The following CHRM3 variants were observed in gnomAD, a reference collection of about 807,000 sequenced individuals.
CHRM3 encodes cholinergic receptor muscarinic 3.
Under a neutral mutation model 41.8 loss-of-function variants are expected in CHRM3, and 11 were observed. The ratio of observed to expected loss-of-function variants is 0.26; its 90% CI spans 0.17 to 0.44. CHRM3 has a LOEUF of 0.44. CHRM3 is among the 20% of genes least tolerant of loss of function. The probability of loss-of-function intolerance (pLI) is 1.00; values close to 1 mark genes in which losing one functional copy is unlikely to be tolerated. For missense variants in CHRM3, 571 were observed against 745.4 expected, an observed-to-expected ratio of 0.77 and a Z score of 2.72; for synonymous variants, 297 against 301.4, an observed-to-expected ratio of 0.99 and a Z score of 0.15.
intron 1 of CHRM3, among the ~76,000 whole-genome samples, chr1:239,424,550 A>C (rs1252402839): frequency 6.6e-6 from 1 of 152,230 alleles, no homozygotes; most frequent in Admixed American, 6.5e-5. Context: ...GGGACTTACA[A>C]ACTAGTGGGA....
At chr1:239,459,232 A>T (rs965726676) in intron 1 of CHRM3, among the ~76,000 whole-genome samples, 3 of 152,188 alleles carry the variant, frequency 2.0e-5, no homozygotes, top group African/African-American at 7.2e-5. Flanking sequence ...TGAAAAATCA[A>T]GTACCTATTT....
chr1:239,774,214 T>C (rs532197498), intron 5 of CHRM3, among the ~76,000 whole-genome samples: 37 of 152,308 alleles, frequency 2.4e-4, no homozygotes, highest in African/African-American at 8.9e-4. Flanking sequence ...GCTTGATTCA[T>C]CTTTGTCCTT....
chr1:239,565,874 A>C (rs1274311255), intron 3 of CHRM3, among the ~76,000 whole-genome samples: 1 of 151,374 alleles, frequency 6.6e-6, no homozygotes, highest in Non-Finnish European at 1.5e-5. Flanking sequence ...CATGAGAAAC[A>C]TGAGCAAAAT....
At chr1:239,456,320 A>C (rs1664932520) in intron 1 of CHRM3, among the ~76,000 whole-genome samples, 1 of 152,274 alleles carries the variant, frequency 6.6e-6, no homozygotes, top group Non-Finnish European at 1.5e-5. Context: ...TATGCAGGTA[A>C]ACCGTTTTTT....
intron 4 of CHRM3, among the ~76,000 whole-genome samples, chr1:239,640,053 A>G (rs908307616): frequency 4.6e-5 from 7 of 152,108 alleles, no homozygotes; most frequent in African/African-American, 1.7e-4. Flanking sequence ...TTCTGTTTAT[A>G]TGCTGGATTA....
chr1:239,562,351 T>C (rs1306734318), intron 3 of CHRM3, among the ~76,000 whole-genome samples: 2 of 152,114 alleles, frequency 1.3e-5, no homozygotes, highest in Admixed American at 1.3e-4. Context: ...TTTTTTCAGA[T>C]AAAGAGCTGG....
intron 6 of CHRM3, among the ~76,000 whole-genome samples, chr1:239,849,647 T>C (rs1391325653): frequency 6.6e-6 from 1 of 152,206 alleles, no homozygotes; most frequent in Admixed American, 6.6e-5. Flanking sequence ...GTACAAGTTT[T>C]TGAAGCAGGG....
intron 5 of CHRM3, among the ~76,000 whole-genome samples, chr1:239,759,017 C>G (rs912802396): frequency 1.3e-5 from 2 of 151,992 alleles, no homozygotes; most frequent in Non-Finnish European, 2.9e-5. Flanking sequence ...TAATCAGGTA[C>G]TTGATGTTTA....
intron 3 of CHRM3, among the ~76,000 whole-genome samples, chr1:239,572,429 T>C (rs1225863425): frequency 2.0e-5 from 3 of 152,204 alleles, no homozygotes; most frequent in Admixed American, 2.0e-4. Context: ...GTAAATTTTT[T>C]GTTAGAATTG....
intron 6 of CHRM3, among the ~76,000 whole-genome samples, chr1:239,855,844 A>G (rs1479185186): frequency 2.6e-5 from 4 of 152,176 alleles, no homozygotes; most frequent in Non-Finnish European, 5.9e-5. Context: ...CTGTCCATCT[A>G]AAAATCCATC....
chr1:239,602,747 T>C (rs1376461471), intron 3 of CHRM3, among the ~76,000 whole-genome samples: 1 of 152,210 alleles, frequency 6.6e-6, no homozygotes, highest in Non-Finnish European at 1.5e-5. Flanking sequence ...TTTTCAAATT[T>C]ATATTTATAA....
At chr1:239,640,139 T>C (rs1558408262) in intron 4 of CHRM3, among the ~76,000 whole-genome samples, 1 of 151,252 alleles carries the variant, frequency 6.6e-6, no homozygotes, top group Non-Finnish European at 1.5e-5. Context: ...TGGATAAGCT[T>C]TTTGATGTGC....
chr1:239,758,070 TTA>T (rs1221022330), intron 5 of CHRM3, among the ~76,000 whole-genome samples: 1 of 152,226 alleles, frequency 6.6e-6, no homozygotes, highest in Non-Finnish European at 1.5e-5. Flanking sequence ...AGATATTGGT[TTA>T]TAACACTAAA....
chr1:239,549,910 A>C (rs1659655132), intron 3 of CHRM3, among the ~76,000 whole-genome samples: 1 of 151,858 alleles, frequency 6.6e-6, no homozygotes, highest in Non-Finnish European at 1.5e-5. Flanking sequence ...TTTACATATA[A>C]CATGGTAAAG....
chr1:239,409,242 A>G (rs1482607288), intron 1 of CHRM3, among the ~76,000 whole-genome samples: 4 of 152,204 alleles, frequency 2.6e-5, no homozygotes, highest in East Asian at 3.9e-4. Context: ...GCTAATTTTT[A>G]TTGCTGTTGA....
At chr1:239,762,626 C>T (rs1235327205) in intron 5 of CHRM3, among the ~76,000 whole-genome samples, 1 of 152,054 alleles carries the variant, frequency 6.6e-6, no homozygotes. Context: ...TATAATTTTA[C>T]CAGTGGCAAG....
intron 5 of CHRM3, among the ~76,000 whole-genome samples, chr1:239,800,665 A>T (rs1039203127): frequency 3.9e-5 from 6 of 152,328 alleles, no homozygotes; most frequent in Non-Finnish European, 7.4e-5. Flanking sequence ...TTTGTGTAAC[A>T]GGGATCTGGT....
chr1:239,643,177 TG>T (rs1671383348), intron 4 of CHRM3, among the ~76,000 whole-genome samples: 1 of 152,134 alleles, frequency 6.6e-6, no homozygotes, highest in African/African-American at 2.4e-5. Context: ...CTGCCCCTAC[TG>T]GGGGGTGCCT....
intron 1 of CHRM3, among the ~76,000 whole-genome samples, chr1:239,405,310 C>G (rs1267034318): frequency 6.6e-6 from 1 of 152,044 alleles, no homozygotes; most frequent in Non-Finnish European, 1.5e-5. Flanking sequence ...AGTTTACTTG[C>G]TAGTTACGTT....
Sources: allele counts gnomAD v4.1 joint callset (sites outside exome capture counted in the v4.1 genomes callset), GRCh38; gene constraint gnomAD v4.1.1; transcripts MANE v1.5; gene names NCBI Gene and HGNC (gene_info 2026-07-23, HGNC 2026-07-21).